Variants in CLCC1 observed in about 807,000 individuals in gnomAD.
CLCC1 encodes chloride channel CLIC like 1.
A neutral mutation model predicts 63.3 loss-of-function variants in CLCC1; 39 were observed. The ratio of observed to expected loss-of-function variants is 0.62; its 90% CI spans 0.48 to 0.81. The LOEUF (loss-of-function observed/expected upper bound fraction) is 0.81, where lower values mean the gene tolerates loss of function less well. CLCC1 is among the 30% of genes least tolerant of loss of function. The pLI is 0.00. For synonymous variants in CLCC1, 217 were observed against 239.8 expected, an observed-to-expected ratio of 0.90 and a Z score of 0.88; for missense variants, 549 against 669.4, an observed-to-expected ratio of 0.82 and a Z score of 1.98.
intron 10 of CLCC1, among the ~76,000 whole-genome samples, chr1:108,939,207 A>G (rs920772886): frequency 8.2e-5 from 12 of 146,560 alleles, no homozygotes; most frequent in Admixed American, 6.9e-4. Context: ...ATATAAATAT[A>G]TAATATATAA....
Position 108,937,184 on chromosome 1 carries a change from T to C in CLCC1, c.1276A>G (p.Arg426Gly). Residue 426 changes from arginine (R) to glycine (G), a missense_variant, in exon 11 of 13, where the codon AGA becomes GGA. By Grantham distance (125) the Arg-to-Gly change is moderately radical. Coordinates refer to ENST00000369969, the MANE Select transcript of CLCC1 (RefSeq NM_001377458.1). The stretch of plus-strand genomic sequence containing the variant: ...GTCTGAAATCTCAAGTCAACATCTC[T>C]CTCTCTCAAAATCTCTCTTCTACCC... ...YEGRREILRE[R>G]DVDLRFQTGN... 1 of 1,594,806 alleles carries C rather than the reference T, an allele frequency of 6.3e-7. No individual in the cohort carries two copies. The highest frequency in any genetic ancestry group is 8.5e-7 in the Non-Finnish European group (1 of 1,171,102).
At chr1:108,950,026 C>T in intron 3 of CLCC1, 105 bp from the exon 4 acceptor site, 3 of 740,930 alleles carry the variant, frequency 4.0e-6, no homozygotes. Flanking sequence ...CATGACTCTG[C>T]ATGTTATATT....
rs1652148138 is a variant in CLCC1, at chr1:108,932,392, G to A, written c.*155C>T. ...TTTTCTGATAACAAACACCCGATGTGTTCAATTTGCTTTCATATTTAAGTC... is the reference window on the plus strand; with the variant it reads ...TTTTCTGATAACAAACACCCGATGTATTCAATTTGCTTTCATATTTAAGTC... On this transcript the variant is annotated 3_prime_UTR_variant, in exon 13 of 13. Transcript: ENST00000369969. The A allele has an allele frequency of 6.6e-6, 1 of 152,160 alleles. No homozygotes were observed. Among genetic ancestry groups the A allele is most frequent in the Admixed American group, 6.6e-5 (1 of 15,266 alleles). The allele number at this position is 152,160 out of a possible 1,614,324, so 9.4% of individuals were successfully genotyped here.
intron 10 of CLCC1, among the ~76,000 whole-genome samples, chr1:108,938,823 A>ATTAAT (rs991145564): frequency 9.2e-5 from 14 of 152,190 alleles, no homozygotes; most frequent in African/African-American, 2.7e-4. Flanking sequence ...TTTCCTGTGT[A>ATTAAT]TTAATTTACC....
In CLCC1 at chr1:108,931,657, A is replaced by G. The variant is rs1481952685; in HGVS notation, c.*890T>C. The stretch of plus-strand genomic sequence containing the variant: ...AAAAAAAAAAAAGTTCTAAATTACA[A>G]CCTGGATTACATTATGTTTCATGTA... On this transcript the variant is annotated 3_prime_UTR_variant, in exon 13 of 13. Transcript: ENST00000369969. 2 of 905,924 alleles carry G rather than the reference A, an allele frequency of 2.2e-6. No individual in the cohort carries two copies. The highest frequency in any genetic ancestry group is 3.1e-6 in the Non-Finnish European group (2 of 638,020). 56.1% of individuals were successfully genotyped at this position (905,924 alleles called of 1,614,324 possible).
At position 108,931,740 on chromosome 1, in the gene CLCC1, G is replaced by A. The variant is rs963632161; in HGVS notation, c.*807C>T. On this transcript the variant is annotated 3_prime_UTR_variant, in exon 13 of 13. Transcript: ENST00000369969. ...TAAAAACTCAGGTAAGTTTCATGGGGTTCTTATAAGAAAATTCAGTTAAGA... is the reference window on the plus strand; with the variant it reads ...TAAAAACTCAGGTAAGTTTCATGGGATTCTTATAAGAAAATTCAGTTAAGA... The A allele has an allele frequency of 3.2e-6, 1 of 314,656 alleles. No individual in the cohort carries two copies. The highest frequency in any genetic ancestry group is 2.2e-5 in the African/African-American group (1 of 45,990). The allele number at this position is 314,656 out of a possible 1,614,324, so 19.5% of individuals were successfully genotyped here. A position where few individuals can be genotyped will look rare whatever the true frequency, so the allele number is the denominator to read the frequency against.
chr1:108,935,293 T>C (rs1278993388), intron 11 of CLCC1, among the ~76,000 whole-genome samples: 1 of 152,246 alleles, frequency 6.6e-6, no homozygotes, highest in Non-Finnish European at 1.5e-5. Context: ...GTGTTAGGGA[T>C]ACAGCAGGAA....
At chr1:108,934,964 T>C in intron 11 of CLCC1, 22 bp from the exon 12 acceptor site, 1 of 1,569,628 alleles carries the variant, frequency 6.4e-7, no homozygotes, top group South Asian at 1.2e-5. Flanking sequence ...AAAATTACAT[T>C]TTAACTGTTT....
chr1:108,937,273 G>C lies in CLCC1; in HGVS notation c.1187C>G (p.Ala396Gly). ...DYRPDGGAGD[A>G]DFHYRGQMGP... is the part of the protein sequence containing the mutation. ...CATTTGGCCCCTATAATGGAAATCG[G>C]CATCACCTGCTCCACCATCAGGTCT... Residue 396 changes from alanine (A) to glycine (G), a missense_variant, in exon 11 of 13, where the codon GCC becomes GGC. Transcript: ENST00000369969. 1.2e-6 allele frequency: 2 copies of C among 1,614,156 alleles called. No homozygotes were observed. Among genetic ancestry groups the C allele is most frequent in the Admixed American group, 1.7e-5 (1 of 60,024 alleles).
rs1335978804 is a variant in CLCC1 at position 108,954,645 on chromosome 1, A to G, written c.-11-4197T>C. ...TGGTGGCAAGAAAACCAGAAAGAAC[A>G]CATGTGGCACACTCTGAAGATCAAT... On this transcript the variant is annotated intron_variant, in intron 2 of 12. Coordinates refer to ENST00000369969, the MANE Select transcript of CLCC1 (RefSeq NM_001377458.1). Among the ~76,000 whole-genome samples the G allele has an allele frequency of 2.0e-5, 3 of 151,326 alleles. No homozygotes were observed. In the South Asian group the frequency reaches 6.2e-4, roughly 31 times the overall value.
At chr1:108,960,890 G>A (rs150467347) in intron 2 of CLCC1, among the ~76,000 whole-genome samples, 1 of 152,068 alleles carries the variant, frequency 6.6e-6, no homozygotes, top group Admixed American at 6.6e-5. Flanking sequence ...GTCTTGCTAT[G>A]TTGCCCAGGC....
chr1:108,936,029 T>C (rs1430893432), intron 11 of CLCC1, among the ~76,000 whole-genome samples: 1 of 151,078 alleles, frequency 6.6e-6, no homozygotes, highest in Admixed American at 6.6e-5. Context: ...GGAAGACTTC[T>C]GAGATAGGTG....
intron 5 of CLCC1, among the ~76,000 whole-genome samples, chr1:108,947,100 G>A (rs1329215794): frequency 6.6e-6 from 1 of 152,024 alleles, no homozygotes; most frequent in Non-Finnish European, 1.5e-5. Context: ...GGAGGCAGAG[G>A]TTGTAGTGAG....
chr1:108,952,463 G>C (rs1479156877), intron 2 of CLCC1, among the ~76,000 whole-genome samples: 1 of 151,936 alleles, frequency 6.6e-6, no homozygotes. Flanking sequence ...GAGCCACAGC[G>C]CTTGGCCCCC....
chr1:108,940,168 TG>T, intron 8 of CLCC1, 26 bp from the exon 9 acceptor site: 1 of 1,452,266 alleles, frequency 6.9e-7, no homozygotes, highest in Non-Finnish European at 9.6e-7. Flanking sequence ...GACAAAACAC[TG>T]ATCATTTCTT....
chr1:108,957,757 A>G (rs1185935113), intron 2 of CLCC1, among the ~76,000 whole-genome samples: 1 of 151,444 alleles, frequency 6.6e-6, no homozygotes. Context: ...TGAAGTGTCC[A>G]CTGATGTCCA....
At position 108,934,804 on chromosome 1, in the gene CLCC1, C is replaced by G. The variant is rs754859750; in HGVS notation, c.1522G>C (p.Gly508Arg). 1 of 1,614,060 alleles carries G rather than the reference C, an allele frequency of 6.2e-7. No individual in the cohort carries two copies. The highest frequency in any genetic ancestry group is 1.1e-5 in the South Asian group (1 of 91,082). ...TGGGCCTTTTCCGCTGCGGGTGAACCTTCTGTATTCCCTGATGTGTCTTGG... is the reference window on the plus strand; with the variant it reads ...TGGGCCTTTTCCGCTGCGGGTGAACGTTCTGTATTCCCTGATGTGTCTTGG... ...SGQDTSGNTE[G>R]SPAAEKAQLK... is the part of the protein sequence containing the mutation. Residue 508 changes from glycine (G) to arginine (R), a missense_variant, in exon 12 of 13, where the codon GGT becomes CGT. Physicochemically the swap from Gly to Arg is moderately radical, Grantham distance 125 (BLOSUM62 -2). Coordinates refer to ENST00000369969, the MANE Select transcript of CLCC1 (RefSeq NM_001377458.1).
intron 2 of CLCC1, among the ~76,000 whole-genome samples, chr1:108,951,773 T>TC (rs1655211369): frequency 6.6e-6 from 1 of 151,074 alleles, no homozygotes; most frequent in African/African-American, 2.4e-5. Flanking sequence ...ATACTTTTTT[T>TC]TTTTTTTTTT....
chr1:108,954,538 G>A lies in CLCC1; in HGVS notation c.-11-4090C>T, dbSNP rs12089914. Reference sequence around the variant, plus strand: ...ACCACCACCACCACCAGCACTAAGCGCACAGGAGGAGGAAAACCTGGATTC... The same window carrying A: ...ACCACCACCACCACCAGCACTAAGCACACAGGAGGAGGAAAACCTGGATTC... On this transcript the variant is annotated intron_variant, in intron 2 of 12. Transcript: ENST00000369969. 5.6e-3 allele frequency among the ~76,000 whole-genome samples: 840 copies of A among 151,026 alleles called. 51 individuals carry two copies. The highest frequency in any genetic ancestry group is 0.019 in the African/African-American group (753 of 40,474).
Sources: allele counts gnomAD v4.1 joint callset (sites outside exome capture counted in the v4.1 genomes callset), GRCh38; gene constraint gnomAD v4.1.1; transcripts MANE v1.5; gene names NCBI Gene and HGNC (gene_info 2026-07-23, HGNC 2026-07-21).